Variants in ANKRD11 observed in about 807,000 individuals in gnomAD.
The protein encoded by ANKRD11 is ankyrin repeat domain-containing protein 11.
Under a neutral mutation model 195.7 loss-of-function variants are expected in ANKRD11, and 17 were observed. The observed-to-expected ratio is 0.09, with a 90% confidence interval of 0.06 to 0.13. The LOEUF (loss-of-function observed/expected upper bound fraction) is 0.13. Among genes scored for constraint, ANKRD11 ranks in the 10% least tolerant of loss-of-function variants. The pLI is 1.00. For synonymous variants in ANKRD11, 1,953 were observed against 1,528.1 expected (o/e 1.28, Z -6.49); for missense variants, 3,735 against 3,566.1 (o/e 1.05, Z -1.21).
chr16:89,313,504 C>G lies in ANKRD11; in HGVS notation c.87+3429G>C, dbSNP rs369001906. The G allele has an allele frequency of 3.1e-6, 4 of 1,289,088 alleles. No individual in the cohort carries two copies. The South Asian group carries it at 4.9e-5, about 16-fold the overall frequency. 79.9% of individuals were successfully genotyped at this position (1,289,088 alleles called of 1,614,324 possible). A position where few individuals can be genotyped will look rare whatever the true frequency, so the allele number is the denominator to read the frequency against. On this transcript the variant is annotated intron_variant, in intron 3 of 12. Coordinates refer to ENST00000301030, the MANE Select transcript of ANKRD11 (RefSeq NM_013275.6). ...ACACGCACAAGCCGTCAGGTCAGCG[C>G]GGCATCAGGATGCACTGCAGAGTTG...
rs754908318 is a variant in ANKRD11, at chr16:89,305,250, G to C, written c.182C>G (p.Pro61Arg). The C allele has an allele frequency of 6.2e-7, 1 of 1,613,872 alleles. No homozygotes were observed. Among genetic ancestry groups the C allele is most frequent in the Admixed American group, 1.7e-5 (1 of 60,012 alleles). ...VRERASKRKL[P>R]FTAGANGEQK... Reference sequence around the variant, plus strand: ...CTCCCCATTGGCGCCCGCGGTGAAGGGCAGCTTCCGCTTGCTGGCTCGCTC... The same window carrying C: ...CTCCCCATTGGCGCCCGCGGTGAAGCGCAGCTTCCGCTTGCTGGCTCGCTC... Residue 61 changes from proline to arginine, a missense_variant, in exon 4 of 13, where the codon CCC becomes CGC. By Grantham distance (103) the Pro-to-Arg change is moderately radical (BLOSUM62 -2). Transcript: ENST00000301030.
Position 89,285,255 on chromosome 16 carries a change from C to T in ANKRD11, c.1287G>A (p.Ser429=), listed in dbSNP as rs141799001. The T allele has an allele frequency of 3.0e-5, 49 of 1,613,524 alleles. No homozygotes were observed. The African/African-American group carries it at 3.6e-4, about 12-fold the overall frequency. Residue 429 remains serine (S), a synonymous_variant, in exon 9 of 13, where the codon TCG becomes TCA. Transcript: ENST00000301030. The surrounding 1 kb of genome is among the most constrained non-coding windows in gnomAD (Gnocchi z 5.6). ...TVGTGEKLRL[S]AHTILPGSKT... ...TACTACCAGGCAATATCGTATGTGC[C>T]GAGAGTCTCAGCTTCTCTCCTGTCC...
chr16:89,445,544 G>C (rs933600109), intron 1 of ANKRD11, among the ~76,000 whole-genome samples: 3 of 152,124 alleles, frequency 2.0e-5, no homozygotes, highest in African/African-American at 7.2e-5. Context: ...CAAATGCTCA[G>C]GCTACTCTGA....
intron 1 of ANKRD11, among the ~76,000 whole-genome samples, chr16:89,473,993 G>A (rs548870257): frequency 6.6e-6 from 1 of 152,206 alleles, no homozygotes; most frequent in South Asian, 2.1e-4. Flanking sequence ...GTTTTGAAGT[G>A]AGCTGCCAAG....
At chr16:89,305,769 C>CACCT (rs1264349790) in intron 3 of ANKRD11, among the ~76,000 whole-genome samples, 27 of 122,640 alleles carry the variant, frequency 2.2e-4, no homozygotes, top group African/African-American at 7.2e-4. Flanking sequence ...AGACACGCGC[C>CACCT]ACCTCCCACT....
At chr16:89,432,541 G>A (rs1169325347) in intron 1 of ANKRD11, among the ~76,000 whole-genome samples, 1 of 152,088 alleles carries the variant, frequency 6.6e-6, no homozygotes, top group African/African-American at 2.4e-5. Context: ...TGTCCAGCTG[G>A]CAAACTCCTA....
rs1429059075 is a variant in ANKRD11 at position 89,338,602 on chromosome 16, G to A, written c.-59-21524C>T. Among the ~76,000 whole-genome samples, 16 of 151,616 alleles carry A rather than the reference G, an allele frequency of 1.1e-4. No individual in the cohort carries two copies. In the East Asian group the frequency reaches 2.9e-3, roughly 28 times the overall value. On this transcript the variant is annotated intron_variant, in intron 2 of 12. Transcript: ENST00000301030. ...TAGCTGGGCGTGGTGGCATGCAACT[G>A]TAATCCCAGCTACTTGGGAGGCTGA...
intron 2 of ANKRD11, among the ~76,000 whole-genome samples, chr16:89,393,761 C>T (rs1023689536): frequency 6.6e-6 from 1 of 152,100 alleles, no homozygotes; most frequent in Non-Finnish European, 1.5e-5. Flanking sequence ...TATTGCCCTT[C>T]ATTCTGGAAT....
In ANKRD11 at chr16:89,281,937, C is replaced by A; in HGVS notation, c.4605G>T (p.Lys1535Asn). The change falls in exon 9 of 13, where the codon AAG (lysine) becomes AAT (asparagine). Residue 1535 changes from lysine (K) to asparagine (N), a missense_variant. Lys to Asn is a moderately conservative substitution (Grantham distance 94, BLOSUM62 0). Transcript: ENST00000301030. The surrounding 1 kb of genome is among the most constrained non-coding windows in gnomAD (Gnocchi z 5.5). ...CGCCCTTTTCTTTCTCTGCACCGTC[C>A]TTGAATTTCTCCTTCAGTTTGGCAT... ...LGDAKLKEKF[K>N]DGAEKEKGDP... 4 of 1,612,992 alleles carry A rather than the reference C, an allele frequency of 2.5e-6. No individual in the cohort carries two copies. The highest frequency in any genetic ancestry group is 3.4e-6 in the Non-Finnish European group (4 of 1,180,048).
At chr16:89,289,071 A>G in intron 6 of ANKRD11, 1 of 309,756 alleles carries the variant, frequency 3.2e-6, no homozygotes, top group South Asian at 2.9e-5. Context: ...CAAGGCTGAG[A>G]GCCTCCTGAA....
rs565960089 is a variant in ANKRD11 at position 89,280,571 on chromosome 16, G to C, written c.5971C>G (p.Pro1991Ala). 1.2e-6 allele frequency: 2 copies of C among 1,613,238 alleles called. No homozygotes were observed. The highest frequency in any genetic ancestry group is 1.7e-6 in the Non-Finnish European group (2 of 1,179,932). ...GGGTCCGCGGGGCAGAAACGCTTTG[G>C]GGACTCGGGGAATCTCTGTGGAGAC... ...LKSPQRFPES[P>A]KRFCPADPLH... is the part of the protein sequence containing the mutation. Residue 1991 changes from proline to alanine, a missense_variant, in exon 9 of 13, where the codon CCA (proline) becomes GCA (alanine). By Grantham distance (27) the Pro-to-Ala change is conservative (BLOSUM62 -1). Coordinates refer to ENST00000301030, the MANE Select transcript of ANKRD11 (RefSeq NM_013275.6).
intron 1 of ANKRD11, chr16:89,459,379 G>A (rs1183331592): frequency 6.6e-6 from 1 of 152,308 alleles, no homozygotes; most frequent in Non-Finnish European, 1.5e-5. Context: ...CAATAAAACG[G>A]ATGCTTCTAA....
intron 2 of ANKRD11, among the ~76,000 whole-genome samples, chr16:89,390,139 C>G (rs1421262115): frequency 8.7e-5 from 4 of 46,182 alleles, no homozygotes; most frequent in Non-Finnish European, 3.7e-5. Flanking sequence ...GGAGCACAGA[C>G]AGAGAAGATC....
intron 1 of ANKRD11, among the ~76,000 whole-genome samples, chr16:89,478,089 T>A (rs1028521751): frequency 2.0e-5 from 3 of 152,328 alleles, no homozygotes; most frequent in Non-Finnish European, 1.5e-5. Flanking sequence ...AATGGCTTAA[T>A]GAGAGGAGCG....
intron 4 of ANKRD11, among the ~76,000 whole-genome samples, chr16:89,302,061 T>TCA (rs1159729608): frequency 6.6e-6 from 1 of 152,150 alleles, no homozygotes; most frequent in African/African-American, 2.4e-5. Flanking sequence ...CTCTTGTCTG[T>TCA]CACGTGTCAG....
Position 89,285,769 on chromosome 16 carries a change from G to A in ANKRD11, c.893-120C>T, listed in dbSNP as rs79636166. On this transcript the variant is annotated intron_variant, in intron 8 of 12. Coordinates refer to ENST00000301030, the MANE Select transcript of ANKRD11 (RefSeq NM_013275.6). This position sits in a 1 kb window ranked among gnomAD's most constrained non-coding sequence, Gnocchi z 5.6. The stretch of plus-strand genomic sequence containing the variant: ...AAGGTTCCCACCCTGCCTCTGCAGA[G>A]ACACTTTGCTCGACTCATGGAAACC... 9.4e-4 allele frequency: 1,138 copies of A among 1,212,476 alleles called. 6 individuals carry two copies. The African/African-American group carries it at 0.016, about 17-fold the overall frequency. 75.1% of individuals were successfully genotyped at this position (1,212,476 alleles called of 1,614,324 possible). A position where few individuals can be genotyped will look rare whatever the true frequency, so the allele number is the denominator to read the frequency against.
At chr16:89,315,354 ACT>A (rs2036887341) in intron 3 of ANKRD11, among the ~76,000 whole-genome samples, 1 of 152,002 alleles carries the variant, frequency 6.6e-6, no homozygotes, top group African/African-American at 2.4e-5. Flanking sequence ...CTATCCCAAC[ACT>A]CTGACTGCTT....
chr16:89,312,471 G>T (rs2036660297), intron 3 of ANKRD11, among the ~76,000 whole-genome samples: 1 of 152,252 alleles, frequency 6.6e-6, no homozygotes, highest in Non-Finnish European at 1.5e-5. Flanking sequence ...AAGCAGAAAT[G>T]GTAGGAGCTG....
chr16:89,280,443 C>G lies in ANKRD11; in HGVS notation c.6099G>C (p.Gly2033=). The change falls in exon 9 of 13, where the codon GGG becomes GGC. Residue 2033 remains glycine (G), a synonymous_variant. Transcript: ENST00000301030. ...CCACTCCGTCCTTGACGTCCTCCAG[C>G]CCCGGCTCAGCGACGGGCAGAGCGT... The part of the protein sequence containing the change: ...APYALPVAEP[G]LEDVKDGVDA... The G allele has an allele frequency of 6.3e-7, 1 of 1,585,128 alleles. No individual in the cohort carries two copies. The highest frequency in any genetic ancestry group is 8.6e-7 in the Non-Finnish European group (1 of 1,164,254).
Sources: allele counts gnomAD v4.1 joint callset (sites outside exome capture counted in the v4.1 genomes callset), GRCh38; gene constraint gnomAD v4.1.1; non-coding constraint Gnocchi (gnomAD v3.1); transcripts MANE v1.5; gene names NCBI Gene and HGNC (gene_info 2026-07-23, HGNC 2026-07-21).